The following PXT1 variants were observed in gnomAD, a reference collection of about 807,000 sequenced individuals.
PXT1 encodes the protein peroxisomal testis-specific protein 1.
Under a neutral mutation model 11.0 loss-of-function variants are expected in PXT1, and 11 were observed. The ratio of observed to expected loss-of-function variants is 1.00; its 90% confidence interval spans 0.63 to 1.66. PXT1 has a LOEUF of 1.66. Ranked by LOEUF, PXT1 falls within the 40% of genes most tolerant of loss-of-function variation. The pLI is 0.00. For synonymous variants in PXT1, 43 were observed against 51.4 expected, an observed-to-expected ratio of 0.84 and a Z score of 0.70; for missense variants, 141 against 155.5, an observed-to-expected ratio of 0.91 and a Z score of 0.49.
intron 3 of PXT1, among the ~76,000 whole-genome samples, chr6:36,417,008 G>A (rs527490853): frequency 6.6e-6 from 1 of 152,302 alleles, no homozygotes; most frequent in South Asian, 2.1e-4. Context: ...AGAAATAGGA[G>A]TGCAAATTAT....
chr6:36,433,837 A>AAAAAG (rs10677902), intron 2 of PXT1, among the ~76,000 whole-genome samples: 52,207 of 132,606 alleles, frequency 0.39, 12,494 homozygotes, highest in East Asian at 0.54. Context: ...AAAAAAAAAA[A>AAAAAG]AAAGAAAAGA....
chr6:36,436,547 A>G (rs1291709836), intron 2 of PXT1, among the ~76,000 whole-genome samples: 2 of 152,226 alleles, frequency 1.3e-5, no homozygotes, highest in Non-Finnish European at 2.9e-5. Flanking sequence ...CCAGCACGGA[A>G]TTAACATTTT....
chr6:36,424,766 C>T (rs1219136616), intron 3 of PXT1, among the ~76,000 whole-genome samples: 3 of 152,000 alleles, frequency 2.0e-5, no homozygotes, highest in Non-Finnish European at 1.5e-5. Flanking sequence ...TTTGGGAGGC[C>T]GAGGCGGGCG....
In PXT1 at chr6:36,425,774, C is replaced by T. The variant is rs147969459; in HGVS notation, c.169+140G>A. The T allele has an allele frequency of 5.2e-3, 1,286 of 247,808 alleles. 33 individuals carry two copies. Among genetic ancestry groups the T allele is most frequent in the Middle Eastern group, 0.016 (12 of 756 alleles). 15.4% of individuals were successfully genotyped at this position (247,808 alleles called of 1,614,324 possible). A position where few individuals can be genotyped will look rare whatever the true frequency, so the allele number is the denominator to read the frequency against. On this transcript the variant is annotated intron_variant, in intron 3 of 4. Transcript: ENST00000454782. ...CTGCACTTCAGCCTGGGTGACAGAG[C>T]GAGACTCTGTCTCAAAAAACAAAAA...
At chr6:36,439,338 G>A (rs1774820884) in intron 1 of PXT1, among the ~76,000 whole-genome samples, 2 of 151,720 alleles carry the variant, frequency 1.3e-5, no homozygotes, top group African/African-American at 4.8e-5. Flanking sequence ...GTGGCTGGGA[G>A]TGGTGGCTCA....
At chr6:36,435,886 T>A (rs899948317) in intron 2 of PXT1, among the ~76,000 whole-genome samples, 1 of 152,098 alleles carries the variant, frequency 6.6e-6, no homozygotes, top group African/African-American at 2.4e-5. Flanking sequence ...AACCCCCTTT[T>A]CCTGCAACAT....
chr6:36,423,788 C>CT (rs1247127064), intron 3 of PXT1, among the ~76,000 whole-genome samples: 1 of 152,160 alleles, frequency 6.6e-6, no homozygotes, highest in Non-Finnish European at 1.5e-5. Context: ...GGAGACAGCA[C>CT]TTTATTGGAA....
intron 2 of PXT1, among the ~76,000 whole-genome samples, chr6:36,427,782 G>A (rs1774628978): frequency 6.6e-6 from 1 of 152,030 alleles, no homozygotes; most frequent in Admixed American, 6.6e-5. Flanking sequence ...GGCATATTTT[G>A]GGTGCTCAGT....
chr6:36,405,227 TATAGA>T (rs909487318), intron 3 of PXT1, among the ~76,000 whole-genome samples: 2 of 152,148 alleles, frequency 1.3e-5, no homozygotes, highest in Non-Finnish European at 2.9e-5. Flanking sequence ...GAAAAAATCT[TATAGA>T]ATAAAGATAT....
intron 3 of PXT1, among the ~76,000 whole-genome samples, chr6:36,421,323 T>C (rs2127415445): frequency 6.6e-6 from 1 of 152,124 alleles, no homozygotes; most frequent in African/African-American, 2.4e-5. Context: ...TAGCTGGGCC[T>C]GATGATGCAT....
At chr6:36,423,091 T>C (rs557953528) in intron 3 of PXT1, among the ~76,000 whole-genome samples, 63 of 152,334 alleles carry the variant, frequency 4.1e-4, no homozygotes, top group African/African-American at 1.5e-3. Flanking sequence ...CGAAGAGTTA[T>C]GTTTGTATGT....
At position 36,391,776 on chromosome 6, in the gene PXT1, CA is replaced by C. The variant is rs1210037958; in HGVS notation, c.398del (p.Leu133CysfsTer66). ...CTTGACCTTTACTTTCCTTTTACAG[CA>C]AATGGTTGTTCCAGAAAAAATGCAG... is the stretch of plus-strand genomic sequence containing the variant. ...VLLHFFWNNH[L>X]L On this transcript the variant is annotated frameshift_variant, in exon 5 of 5. Transcript: ENST00000454782. LOFTEE classifies it high-confidence loss of function. 20 of 1,609,432 alleles carry C rather than the reference CA, an allele frequency of 1.2e-5. No homozygotes were observed. Among genetic ancestry groups the C allele is most frequent in the Non-Finnish European group, 1.7e-5 (20 of 1,176,394 alleles).
rs1209899834 is a variant in PXT1 at position 36,400,504 on chromosome 6, T to A, written c.250A>T (p.Met84Leu). ...TTGTCCCCAATGTGTCTCAGCTGCATGGCCAACTTGTGAATTATTTCCTCC... is the reference window on the plus strand; with the variant it reads ...TTGTCCCCAATGTGTCTCAGCTGCAAGGCCAACTTGTGAATTATTTCCTCC... ...HQEEIIHKLA[M>L]QLRHIGDNID... Residue 84 changes from methionine (M) to leucine (L), a missense_variant, in exon 4 of 5, where the codon ATG (methionine) becomes TTG (leucine). Physicochemically the swap from Met to Leu is conservative, Grantham distance 15. Transcript: ENST00000454782. 1 of 1,614,080 alleles carries A rather than the reference T, an allele frequency of 6.2e-7. No homozygotes were observed. Among genetic ancestry groups the A allele is most frequent in the Admixed American group, 1.7e-5 (1 of 60,014 alleles).
chr6:36,408,922 C>A (rs563987587), intron 3 of PXT1, among the ~76,000 whole-genome samples: 1 of 151,848 alleles, frequency 6.6e-6, no homozygotes, highest in African/African-American at 2.4e-5. Flanking sequence ...CTCAATGTGT[C>A]GGAACTTTAA....
intron 3 of PXT1, among the ~76,000 whole-genome samples, chr6:36,420,268 A>G (rs146907942): frequency 3.3e-4 from 50 of 152,352 alleles, no homozygotes; most frequent in African/African-American, 1.2e-3. Flanking sequence ...GTAATTGGAA[A>G]CAGCCCAAGT....
At chr6:36,409,955 G>GAAAGAGAAAC (rs1774344300) in intron 3 of PXT1, among the ~76,000 whole-genome samples, 1 of 37,160 alleles carries the variant, frequency 2.7e-5, no homozygotes, top group African/African-American at 3.3e-4. Flanking sequence ...GAAAGAGAAA[G>GAAAGAGAAAC]GAAGAAAGAG....
intron 2 of PXT1, among the ~76,000 whole-genome samples, chr6:36,429,151 A>G (rs1165978363): frequency 2.1e-5 from 3 of 146,208 alleles, no homozygotes; most frequent in Non-Finnish European, 4.5e-5. Flanking sequence ...CTGTAATCCC[A>G]GCTACTCAGG....
chr6:36,400,711 G>A (rs551590074), intron 3 of PXT1, 127 bp from the exon 4 acceptor site: 11 of 986,480 alleles, frequency 1.1e-5, no homozygotes, highest in Admixed American at 7.5e-5. Context: ...GCTCACGCCT[G>A]TAATCCCAGC....
At chr6:36,438,711 T>G (rs997652759) in intron 2 of PXT1, 56 bp downstream of exon 2, 4 of 152,188 alleles carry the variant, frequency 2.6e-5, no homozygotes, top group African/African-American at 9.7e-5. Context: ...CATGAGCCAC[T>G]GCGCCCGGCA....
Sources: gnomAD v4.1 joint callset for allele counts (sites outside exome capture counted in the v4.1 genomes callset) on GRCh38, gnomAD v4.1.1 for gene constraint, MANE v1.5 for transcripts, NCBI Gene and HGNC (gene_info 2026-07-23, HGNC 2026-07-21) for gene names.